Variants in RIMS1 observed in about 807,000 individuals in gnomAD.
RIMS1 encodes the protein regulating synaptic membrane exocytosis 1, also known as regulating synaptic membrane exocytosis protein 1.
Under a neutral mutation model 214.1 loss-of-function variants are expected in RIMS1, and 83 were observed. The ratio of observed to expected loss-of-function variants is 0.39; its 90% CI spans 0.32 to 0.47. The LOEUF (loss-of-function observed/expected upper bound fraction) is 0.47. Among genes scored for constraint, RIMS1 ranks in the 20% least tolerant of loss-of-function variants. The pLI is 0.99. For missense variants in RIMS1, 2,050 were observed against 2,161.8 expected, an observed-to-expected ratio of 0.95 and a Z score of 1.03; for synonymous variants, 793 against 786.8, an observed-to-expected ratio of 1.01 and a Z score of -0.13.
Position 72,400,772 on chromosome 6 carries a change from C to T in RIMS1, c.*58C>T. ...CTACTTTTCAGGATAATAATCTGAA[C>T]CAGATATTTCATGATCGAAAGCATT... is the stretch of plus-strand genomic sequence containing the variant. On this transcript the variant is annotated 3_prime_UTR_variant, in exon 34 of 34. Transcript: ENST00000521978. 3 of 1,315,624 alleles carry T rather than the reference C, an allele frequency of 2.3e-6. No homozygotes were observed. The highest frequency in any genetic ancestry group is 1.3e-5 in the South Asian group (1 of 74,670). 81.5% of individuals were successfully genotyped at this position (1,315,624 alleles called of 1,614,324 possible). A position where few individuals can be genotyped will look rare whatever the true frequency, so the allele number is the denominator to read the frequency against.
In RIMS1 at chr6:72,114,604, A is replaced by G. The variant is rs967972451; in HGVS notation, c.471+14618A>G. 2.6e-5 allele frequency among the ~76,000 whole-genome samples: 4 copies of G among 151,938 alleles called. No individual in the cohort carries two copies. The East Asian group carries it at 5.8e-4, about 22-fold the overall frequency. ...GTGACATGAGCCATGCTTAATTTTC[A>G]TGGTGCTTTTGCTCAGCCTTTATAG... On this transcript the variant is annotated intron_variant, in intron 4 of 33. Transcript: ENST00000521978.
At chr6:72,135,265 A>C (rs2041098305) in intron 4 of RIMS1, among the ~76,000 whole-genome samples, 2 of 152,206 alleles carry the variant, frequency 1.3e-5, no homozygotes, top group African/African-American at 4.8e-5. Context: ...ATTATTACAA[A>C]GATAAAAGCT....
intron 2 of RIMS1, among the ~76,000 whole-genome samples, chr6:71,996,348 C>G (rs1433912607): frequency 6.6e-6 from 1 of 152,154 alleles, no homozygotes; most frequent in Non-Finnish European, 1.5e-5. Context: ...AAGTTCAAAA[C>G]CTTATTAAAA....
chr6:71,933,306 C>T (rs1783586505), intron 1 of RIMS1, among the ~76,000 whole-genome samples: 1 of 152,130 alleles, frequency 6.6e-6, no homozygotes, highest in Non-Finnish European at 1.5e-5. Context: ...CGGCATTCAT[C>T]ATCCCACTCT....
intron 26 of RIMS1, among the ~76,000 whole-genome samples, chr6:72,293,662 C>G (rs2093719873): frequency 6.6e-6 from 1 of 151,822 alleles, no homozygotes; most frequent in Admixed American, 6.6e-5. Flanking sequence ...AAGGGTACTG[C>G]ATATAACTCT....
intron 1 of RIMS1, among the ~76,000 whole-genome samples, chr6:71,953,490 A>G (rs1163785037): frequency 6.6e-6 from 1 of 152,206 alleles, no homozygotes; most frequent in Non-Finnish European, 1.5e-5. Flanking sequence ...ATATTTTTGA[A>G]CAATACTTTA....
At chr6:71,938,706 C>T (rs943126119) in intron 1 of RIMS1, among the ~76,000 whole-genome samples, 42 of 152,102 alleles carry the variant, frequency 2.8e-4, no homozygotes, top group African/African-American at 9.7e-4. Flanking sequence ...TCCTGCCTTC[C>T]TACAGCTCTG....
At chr6:72,003,323 A>G (rs924411513) in intron 2 of RIMS1, among the ~76,000 whole-genome samples, 1 of 151,946 alleles carries the variant, frequency 6.6e-6, no homozygotes, top group Non-Finnish European at 1.5e-5. Context: ...CTCCTTTTCT[A>G]TATTTCTTGG....
At chr6:71,937,752 C>T (rs547262887) in intron 1 of RIMS1, among the ~76,000 whole-genome samples, 1 of 152,264 alleles carries the variant, frequency 6.6e-6, no homozygotes, top group South Asian at 2.1e-4. Context: ...GGTCCCACCT[C>T]TTAATATTGT....
At chr6:72,166,737 T>A (rs1259471623) in intron 4 of RIMS1, among the ~76,000 whole-genome samples, 1 of 85,854 alleles carries the variant, frequency 1.2e-5, no homozygotes, top group Non-Finnish European at 2.3e-5. Flanking sequence ...GTAACTCTCT[T>A]AATTGTTTGC....
chr6:71,898,799 T>G (rs1772667940), intron 1 of RIMS1, among the ~76,000 whole-genome samples: 2 of 152,168 alleles, frequency 1.3e-5, no homozygotes, highest in African/African-American at 4.8e-5. Flanking sequence ...ATTTCATTTT[T>G]CATTACTGAG....
At chr6:72,012,404 C>A (rs1445813312) in intron 2 of RIMS1, among the ~76,000 whole-genome samples, 1 of 152,038 alleles carries the variant, frequency 6.6e-6, no homozygotes, top group Non-Finnish European at 1.5e-5. Flanking sequence ...GGGTGCAGCA[C>A]ACTAACATGG....
chr6:72,001,865 G>T (rs1024461807), intron 2 of RIMS1, among the ~76,000 whole-genome samples: 1 of 152,046 alleles, frequency 6.6e-6, no homozygotes, highest in African/African-American at 2.4e-5. Flanking sequence ...TTAAAATGTG[G>T]TACAGAACAT....
chr6:72,398,178 C>T (rs2098800934), intron 31 of RIMS1, 71 bp from the exon 32 acceptor site: 2 of 881,324 alleles, frequency 2.3e-6, no homozygotes. Flanking sequence ...CTGTTACGGG[C>T]TCTCCTTTTT....
chr6:71,902,616 A>C (rs1774006867), intron 1 of RIMS1, among the ~76,000 whole-genome samples: 4 of 151,998 alleles, frequency 2.6e-5, no homozygotes, highest in Non-Finnish European at 5.9e-5. Flanking sequence ...TGCTGCACTC[A>C]GATCAACCCA....
intron 2 of RIMS1, among the ~76,000 whole-genome samples, chr6:72,034,397 TGATTCACAAATACAA>T (rs1818999119): frequency 6.6e-6 from 1 of 152,154 alleles, no homozygotes; most frequent in African/African-American, 2.4e-5. Flanking sequence ...TTTGTAAGGA[TGATTCACAAATACAA>T]GATATTTCCA....
Position 71,994,590 on chromosome 6 carries a change from T to G in RIMS1, c.245+25527T>G, listed in dbSNP as rs576587217. Among the ~76,000 whole-genome samples the G allele has an allele frequency of 1.8e-4, 27 of 152,294 alleles. No individual in the cohort carries two copies. In the South Asian group the frequency reaches 5.6e-3, roughly 32 times the overall value. On this transcript the variant is annotated intron_variant, in intron 2 of 33. Transcript: ENST00000521978. The stretch of plus-strand genomic sequence containing the variant: ...AATTGCCCAAGGAGTCTCAATCTAT[T>G]CCTGAGCCTTATCCAAATGGTATTT...
rs1176470821 is a variant in RIMS1 at position 72,322,383 on chromosome 6, T to C, written c.4130+8711T>C. On this transcript the variant is annotated intron_variant, in intron 28 of 33. Transcript: ENST00000521978. ...TATTCAGTATAATTTACAAATAAAC[T>C]GGTATAGCATGATTTTAACGTATGT... is the stretch of plus-strand genomic sequence containing the variant. Among the ~76,000 whole-genome samples the C allele has an allele frequency of 3.3e-5, 5 of 152,244 alleles. No homozygotes were observed. The East Asian group carries it at 9.7e-4, about 29-fold the overall frequency.
At chr6:72,022,605 T>C (rs532386476) in intron 2 of RIMS1, among the ~76,000 whole-genome samples, 2 of 152,342 alleles carry the variant, frequency 1.3e-5, no homozygotes, top group South Asian at 4.1e-4. Flanking sequence ...TTAAATGCTT[T>C]ACATTATGCA....
Sources: allele counts gnomAD v4.1 joint callset (sites outside exome capture counted in the v4.1 genomes callset), GRCh38; gene constraint gnomAD v4.1.1; transcripts MANE v1.5; gene names NCBI Gene and HGNC (gene_info 2026-07-23, HGNC 2026-07-21).